The following TMEM131L variants were observed in gnomAD, a reference collection of about 807,000 sequenced individuals.
The protein encoded by TMEM131L is transmembrane 131 like.
TMEM131L carries 54 observed loss-of-function variants against 192.2 expected under a neutral mutation model. The observed-to-expected ratio is 0.28, with a 90% CI of 0.23 to 0.35. The LOEUF (loss-of-function observed/expected upper bound fraction) is 0.35. Ranked by LOEUF, TMEM131L falls within the 10% of genes least tolerant of loss-of-function variation. The probability of loss-of-function intolerance (pLI) is 1.00; values close to 1 mark genes in which losing one functional copy is unlikely to be tolerated. For synonymous variants in TMEM131L, 701 were observed against 704.9 expected (o/e 0.99, Z 0.09); for missense variants, 1,888 against 1,972.9 (o/e 0.96, Z 0.82).
rs540169306 is a variant in TMEM131L, at chr4:153,540,934, C to T, written c.240-9139C>T. Among the ~76,000 whole-genome samples the T allele has an allele frequency of 1.8e-4, 28 of 152,218 alleles. No homozygotes were observed. In the South Asian group the frequency reaches 5.6e-3, roughly 30 times the overall value. ...GGCTTCTTTTTTTTATGTATAGTGTCTGGCAAACTCTGTTAATGCTGGAGG... is the reference window on the plus strand; with the variant it reads ...GGCTTCTTTTTTTTATGTATAGTGTTTGGCAAACTCTGTTAATGCTGGAGG... On this transcript the variant is annotated intron_variant, in intron 3 of 34. Coordinates refer to ENST00000409959, the MANE Select transcript of TMEM131L (RefSeq NM_001131007.2).
intron 3 of TMEM131L, among the ~76,000 whole-genome samples, chr4:153,505,898 T>C (rs111645230): frequency 9.2e-5 from 14 of 152,164 alleles, no homozygotes; most frequent in African/African-American, 3.4e-4. Context: ...GTGAGGAGGC[T>C]GCCTGGCCAG....
chr4:153,563,035 A>G (rs970446112), intron 7 of TMEM131L, among the ~76,000 whole-genome samples: 11 of 152,350 alleles, frequency 7.2e-5, no homozygotes, highest in African/African-American at 1.7e-4. Context: ...GGGTCTAAAT[A>G]TGGATTTTAG....
intron 25 of TMEM131L, among the ~76,000 whole-genome samples, chr4:153,607,844 A>C (rs890828635): frequency 6.6e-6 from 1 of 152,238 alleles, no homozygotes; most frequent in African/African-American, 2.4e-5. Flanking sequence ...AAAATGTGTC[A>C]TATTTGGGAG....
chr4:153,612,903 T>A (rs974708404), intron 26 of TMEM131L, among the ~76,000 whole-genome samples: 2 of 152,186 alleles, frequency 1.3e-5, no homozygotes, highest in Non-Finnish European at 2.9e-5. Flanking sequence ...GAAAAATTGA[T>A]ACATCATAAT....
intron 25 of TMEM131L, among the ~76,000 whole-genome samples, chr4:153,608,461 T>C (rs1732391424): frequency 6.6e-6 from 1 of 152,220 alleles, no homozygotes. Flanking sequence ...ATCAAAATAA[T>C]GTAGATTAGA....
intron 3 of TMEM131L, among the ~76,000 whole-genome samples, chr4:153,489,361 G>C (rs1219412772): frequency 6.6e-6 from 1 of 152,278 alleles, no homozygotes; most frequent in Non-Finnish European, 1.5e-5. Flanking sequence ...TTTCTTCCCA[G>C]CTCATTGAAC....
At chr4:153,528,482 AAAC>A (rs1735658780) in intron 3 of TMEM131L, among the ~76,000 whole-genome samples, 1 of 152,238 alleles carries the variant, frequency 6.6e-6, no homozygotes. Context: ...GGGGCTTTAA[AAAC>A]AACAAAACAA....
chr4:153,555,798 AT>A lies in TMEM131L; in HGVS notation c.321del (p.Pro108LeufsTer2), dbSNP rs1737938744. 6.4e-7 allele frequency: 1 copy of A among 1,551,434 alleles called. No individual in the cohort carries two copies. The highest frequency in any genetic ancestry group is 8.7e-7 in the Non-Finnish European group (1 of 1,146,794). ...VLDFGIQFLG[H>X]PVAKILHAYN... ...GTTTCTCCTCCTAGGTTCCTGGGAC[AT>A]CCTGTAGCAAAGATTCTCCATGCTT... is the stretch of plus-strand genomic sequence containing the variant. On this transcript the variant is annotated frameshift_variant, in exon 5 of 35. Coordinates refer to ENST00000409959, the MANE Select transcript of TMEM131L (RefSeq NM_001131007.2). LOFTEE classifies it high-confidence loss of function. This position sits in a 1 kb window ranked among gnomAD's most constrained non-coding sequence, Gnocchi z 4.1.
intron 3 of TMEM131L, among the ~76,000 whole-genome samples, chr4:153,520,271 A>G (rs1735016350): frequency 6.6e-6 from 1 of 152,106 alleles, no homozygotes; most frequent in South Asian, 2.1e-4. Context: ...CCTAGGCAAC[A>G]TAGGGAGACC....
intron 31 of TMEM131L, among the ~76,000 whole-genome samples, chr4:153,630,889 T>C (rs1274389846): frequency 6.6e-6 from 1 of 152,206 alleles, no homozygotes; most frequent in African/African-American, 2.4e-5. Flanking sequence ...GACCTCTATC[T>C]TGACTGGCTG....
rs28545625 is a variant in TMEM131L, at chr4:153,599,891, C to T, written c.2266+1159C>T. Among the ~76,000 whole-genome samples, 1,204 of 152,170 alleles carry T rather than the reference C, an allele frequency of 7.9e-3. 13 individuals carry two copies. The highest frequency in any genetic ancestry group is 0.027 in the African/African-American group (1,132 of 41,522). On this transcript the variant is annotated intron_variant, in intron 21 of 34. Transcript: ENST00000409959. ...TGGCCAGCATGGTGAAACCCCTTCT[C>T]TACTAAAAATACAAAAATTAGTCAG...
intron 12 of TMEM131L, 25 bp from the exon 13 acceptor site, chr4:153,585,433 T>C (rs768774847): frequency 1.9e-6 from 3 of 1,612,072 alleles, no homozygotes; most frequent in African/African-American, 2.7e-5. Flanking sequence ...TCAGGCCTGA[T>C]AGCATGCATG....
At position 153,467,191 on chromosome 4, in the gene TMEM131L, A is replaced by G. The variant is rs1209645968; in HGVS notation, c.125-20A>G. ...TTAGCGTGCATTAAAAACGTGGTGT[A>G]TTTTTTGGTGTTCCTGCAGCGATTG... On this transcript the variant is annotated intron_variant, in intron 1 of 34. Coordinates refer to ENST00000409959, the MANE Select transcript of TMEM131L (RefSeq NM_001131007.2). 3.9e-6 allele frequency: 6 copies of G among 1,551,126 alleles called. No individual in the cohort carries two copies. In the South Asian group the frequency reaches 4.8e-5, roughly 12 times the overall value.
intron 3 of TMEM131L, among the ~76,000 whole-genome samples, chr4:153,493,708 T>C (rs549459986): frequency 2.0e-4 from 31 of 152,266 alleles, no homozygotes; most frequent in Admixed American, 5.2e-4. Flanking sequence ...TTGAATCTGA[T>C]GTCATACTGC....
chr4:153,525,359 A>G (rs1021607488), intron 3 of TMEM131L, among the ~76,000 whole-genome samples: 3 of 151,396 alleles, frequency 2.0e-5, no homozygotes, highest in Non-Finnish European at 1.5e-5. Context: ...TTTTTTTTTG[A>G]GACTGGATCT....
At chr4:153,481,611 C>A (rs1580028885) in intron 3 of TMEM131L, among the ~76,000 whole-genome samples, 1 of 152,206 alleles carries the variant, frequency 6.6e-6, no homozygotes, top group Non-Finnish European at 1.5e-5. Context: ...TCTTAGCTCA[C>A]TGCAACCTCC....
At position 153,587,765 on chromosome 4, in the gene TMEM131L, G is replaced by C. The variant is rs767763597; in HGVS notation, c.1506G>C (p.Val502=). The C allele has an allele frequency of 6.2e-7, 1 of 1,613,300 alleles. No homozygotes were observed. The highest frequency in any genetic ancestry group is 1.1e-5 in the South Asian group (1 of 91,064). Residue 502 remains valine, a synonymous_variant, in exon 15 of 35, where the codon GTG becomes GTC. Transcript: ENST00000409959. The part of the protein sequence containing the change: ...PTKEGSLGFE[V]IAHCGMHYFM... ...AGGAAGGGAGTCTGGGTTTTGAAGT[G>C]ATAGCACATTGTGGCATGCATTATT...
chr4:153,532,359 GCCT>G (rs762577776), intron 3 of TMEM131L, among the ~76,000 whole-genome samples: 1 of 151,942 alleles, frequency 6.6e-6, no homozygotes, highest in Non-Finnish European at 1.5e-5. Context: ...TGTAGAAATG[GCCT>G]CCTCTTTCCT....
chr4:153,573,816 T>C lies in TMEM131L; in HGVS notation c.661-7010T>C, dbSNP rs938272180. ...AAAAATCTCTTAGAAACCAAAGGAG[T>C]GTGGTAAAGAGTTATCTTCTAAAAG... On this transcript the variant is annotated intron_variant, in intron 7 of 34. Coordinates refer to ENST00000409959, the MANE Select transcript of TMEM131L (RefSeq NM_001131007.2). Among the ~76,000 whole-genome samples, 5 of 151,602 alleles carry C rather than the reference T, an allele frequency of 3.3e-5. No individual in the cohort carries two copies. In the South Asian group the frequency reaches 8.3e-4, roughly 25 times the overall value.
Sources: allele counts gnomAD v4.1 joint callset (sites outside exome capture counted in the v4.1 genomes callset), GRCh38; gene constraint gnomAD v4.1.1; non-coding constraint Gnocchi (gnomAD v3.1); transcripts MANE v1.5; gene names NCBI Gene and HGNC (gene_info 2026-07-23, HGNC 2026-07-21).